GTPBP10: variants seen among roughly 807,000 people sequenced by gnomAD.
GTPBP10 encodes the protein GTP-binding protein 10.
Under a neutral mutation model 44.8 loss-of-function variants are expected in GTPBP10, and 38 were observed. The observed-to-expected ratio is 0.85, with a 90% CI of 0.65 to 1.11. The LOEUF is 1.11. Among genes scored for constraint, GTPBP10 ranks in the 50% most tolerant of loss-of-function variants. The probability of loss-of-function intolerance (pLI) is 0.00; values close to 1 mark genes in which losing one functional copy is unlikely to be tolerated. For missense variants in GTPBP10, 462 were observed against 453.7 expected (o/e 1.02, Z -0.17); for synonymous variants, 152 against 150.6 (o/e 1.01, Z -0.07).
At chr7:90,369,264 TGAG>T (rs971234223) in intron 4 of GTPBP10, among the ~76,000 whole-genome samples, 3 of 152,174 alleles carry the variant, frequency 2.0e-5, no homozygotes, top group Non-Finnish European at 4.4e-5. Flanking sequence ...GGGACCCACT[TGAG>T]GAGGCAGTCT....
chr7:90,348,217 C>CA (rs374888026), intron 1 of GTPBP10, among the ~76,000 whole-genome samples: 238 of 151,332 alleles, frequency 1.6e-3, no homozygotes, highest in African/African-American at 4.5e-3. Context: ...GACCCTGTTT[C>CA]AAAAAAAAGA....
intron 1 of GTPBP10, among the ~76,000 whole-genome samples, chr7:90,351,469 A>G (rs1217960980): frequency 6.6e-6 from 1 of 152,220 alleles, no homozygotes; most frequent in East Asian, 1.9e-4. Context: ...AAATGACAAA[A>G]TAGATTAGCA....
intron 4 of GTPBP10, among the ~76,000 whole-genome samples, chr7:90,357,257 A>G (rs1795921672): frequency 6.6e-6 from 1 of 152,108 alleles, no homozygotes. Flanking sequence ...TCATACTTTG[A>G]TCTTCTTGGA....
intron 4 of GTPBP10, among the ~76,000 whole-genome samples, chr7:90,358,163 A>G (rs1795942691): frequency 6.6e-6 from 1 of 152,214 alleles, no homozygotes; most frequent in Non-Finnish European, 1.5e-5. Flanking sequence ...GAATTAAATC[A>G]AGAACTCAAT....
intron 8 of GTPBP10, among the ~76,000 whole-genome samples, chr7:90,382,098 A>C (rs993184285): frequency 5.3e-5 from 8 of 152,164 alleles, no homozygotes; most frequent in African/African-American, 1.7e-4. Flanking sequence ...CAAAAGGAAC[A>C]GTCAGCAGAG....
At position 90,379,194 on chromosome 7, in the gene GTPBP10, C is replaced by T. The variant is rs187479165; in HGVS notation, c.777+983C>T. 2.7e-3 allele frequency among the ~76,000 whole-genome samples: 415 copies of T among 152,294 alleles called. 10 individuals are homozygous for T. The highest frequency in any genetic ancestry group is 0.024 in the Admixed American group (367 of 15,294). On this transcript the variant is annotated intron_variant, in intron 8 of 9. Transcript: ENST00000222511. ...TACACAAGCCCTGTCAGTTTTTTAT[C>T]CTAAATCTCTCTGAAATCCATCCTC...
chr7:90,365,819 G>A (rs938102773), intron 4 of GTPBP10, among the ~76,000 whole-genome samples: 1 of 152,232 alleles, frequency 6.6e-6, no homozygotes, highest in Non-Finnish European at 1.5e-5. Context: ...GGAGTGGTAA[G>A]AGAGGGCATC....
Position 90,384,909 on chromosome 7 carries a change from G to GA in GTPBP10, c.926dup (p.Asn309LysfsTer37), listed in dbSNP as rs745885335. The GA allele has an allele frequency of 9.5e-6, 15 of 1,585,780 alleles. No homozygotes were observed. Among genetic ancestry groups the GA allele is most frequent in the South Asian group, 5.9e-5 (5 of 85,320 alleles). ...TCTTTTAGATTTTCTGCATTTATTT[G>GA]AAAAAAACATGATTCCAGAGAGGAC... On this transcript the variant is annotated frameshift_variant, in exon 10 of 10. Transcript: ENST00000222511. LOFTEE classifies it high-confidence loss of function.
intron 1 of GTPBP10, chr7:90,347,360 A>G (rs1227336445): frequency 6.6e-6 from 1 of 152,314 alleles, no homozygotes; most frequent in Non-Finnish European, 1.5e-5. Context: ...TCTAACGACC[A>G]GAGTAAAATA....
chr7:90,365,831 C>T (rs1037789662), intron 4 of GTPBP10, among the ~76,000 whole-genome samples: 1 of 152,208 alleles, frequency 6.6e-6, no homozygotes, highest in African/African-American at 2.4e-5. Flanking sequence ...GAGGGCATCC[C>T]TGTCTTGTGC....
chr7:90,358,250 G>C (rs898948503), intron 4 of GTPBP10, among the ~76,000 whole-genome samples: 1 of 152,066 alleles, frequency 6.6e-6, no homozygotes, highest in Non-Finnish European at 1.5e-5. Context: ...TCTACAAGGA[G>C]AACTACAGAA....
chr7:90,377,987 T>A, intron 7 of GTPBP10, 147 bp from the exon 8 acceptor site: 2 of 1,106,732 alleles, frequency 1.8e-6, no homozygotes, highest in South Asian at 4.2e-5. Context: ...ACACCTCGAT[T>A]TCTGTTACTT....
rs747519939 is a variant in GTPBP10 at position 90,352,978 on chromosome 7, C to T, written c.196C>T (p.Arg66Trp). The change falls in exon 2 of 10, where the codon CGG (arginine) becomes TGG (tryptophan). Residue 66 changes from arginine to tryptophan, a missense_variant. Physicochemically the swap from Arg to Trp is moderately radical, Grantham distance 101. Transcript: ENST00000222511. ...ACTTAAAGACAGGTATCCTCGGAAA[C>T]GGTTTGTGGCTGGAGTAGGAGCAAA... ...KQLKDRYPRKRFVAGVGANSK... is the reference protein window; with the variant it reads ...KQLKDRYPRKWFVAGVGANSK... 10 of 1,607,634 alleles carry T rather than the reference C, an allele frequency of 6.2e-6. No individual in the cohort carries two copies. Among genetic ancestry groups the T allele is most frequent in the East Asian group, 4.5e-5 (2 of 44,748 alleles).
In GTPBP10 at chr7:90,359,422, G is replaced by C. The variant is rs528795204; in HGVS notation, c.464+4192G>C. ...TTTTCTTTCCTTATGGTAGTTTGCT[G>C]AGAATGATGGTTTCCAGCTTCATCC... On this transcript the variant is annotated intron_variant, in intron 4 of 9. Coordinates refer to ENST00000222511, the MANE Select transcript of GTPBP10 (RefSeq NM_033107.4). Among the ~76,000 whole-genome samples, 6 of 152,186 alleles carry C rather than the reference G, an allele frequency of 3.9e-5. No homozygotes were observed. The South Asian group carries it at 1.2e-3, about 32-fold the overall frequency.
At chr7:90,365,586 C>T (rs964517809) in intron 4 of GTPBP10, among the ~76,000 whole-genome samples, 13 of 151,630 alleles carry the variant, frequency 8.6e-5, no homozygotes, top group African/African-American at 2.2e-4. Context: ...CCGTTTTAGC[C>T]GGGATGGTCT....
chr7:90,391,364 T>A lies in GTPBP10; in HGVS notation c.*6210T>A, dbSNP rs559687823. On this transcript the variant is annotated 3_prime_UTR_variant, in exon 10 of 10. Transcript: ENST00000222511. ...GTTTTTTTCTATATATACACAGCTATGATAAAGTTCATAAATTAGGCACAG... is the reference window on the plus strand; with the variant it reads ...GTTTTTTTCTATATATACACAGCTAAGATAAAGTTCATAAATTAGGCACAG... 2.6e-5 allele frequency: 4 copies of A among 152,274 alleles called. No individual in the cohort carries two copies. The highest frequency in any genetic ancestry group is 4.8e-5 in the African/African-American group (2 of 41,540). The allele number at this position is 152,274 out of a possible 1,614,324, so 9.4% of individuals were successfully genotyped here. A position where few individuals can be genotyped will look rare whatever the true frequency, so the allele number is the denominator to read the frequency against.
intron 4 of GTPBP10, among the ~76,000 whole-genome samples, chr7:90,367,466 G>A (rs1421572107): frequency 3.3e-5 from 5 of 152,172 alleles, no homozygotes; most frequent in South Asian, 2.1e-4. Flanking sequence ...GGGTGCTTTT[G>A]TATTGGGTGC....
At chr7:90,359,247 C>G (rs760995166) in intron 4 of GTPBP10, among the ~76,000 whole-genome samples, 4 of 151,998 alleles carry the variant, frequency 2.6e-5, no homozygotes, top group Non-Finnish European at 4.4e-5. Flanking sequence ...CTGCACCCAT[C>G]AACTCGTCAT....
intron 4 of GTPBP10, 55 bp from the exon 5 acceptor site, chr7:90,372,100 G>T: frequency 9.8e-7 from 1 of 1,020,270 alleles, no homozygotes; most frequent in South Asian, 1.4e-5. Context: ...GAATTGTTAG[G>T]AATTCAGAGA....
Sources: gnomAD v4.1 joint callset for allele counts (sites outside exome capture counted in the v4.1 genomes callset) on GRCh38, gnomAD v4.1.1 for gene constraint, MANE v1.5 for transcripts, NCBI Gene and HGNC (gene_info 2026-07-23, HGNC 2026-07-21) for gene names.